The following EYS variants were observed in gnomAD, a reference collection of about 807,000 sequenced individuals.
The protein encoded by EYS is protein eyes shut homolog.
A neutral mutation model predicts 282.1 loss-of-function variants in EYS; 250 were observed. That is an observed-to-expected ratio of 0.89 (90% confidence interval 0.80 to 0.98). The LOEUF (loss-of-function observed/expected upper bound fraction) is 0.98, where lower values mean the gene tolerates loss of function less well. Among genes scored for constraint, EYS ranks in the 50% least tolerant of loss-of-function variants. The probability of loss-of-function intolerance (pLI) is 0.00; values close to 1 mark genes in which losing one functional copy is unlikely to be tolerated. For missense variants in EYS, 4,016 were observed against 3,709.0 expected (o/e 1.08, Z -2.15); for synonymous variants, 1,355 against 1,282.9 (o/e 1.06, Z -1.20).
chr6:65,211,040 GGTAATTT>G (rs1766164209), intron 12 of EYS, among the ~76,000 whole-genome samples: 1 of 151,716 alleles, frequency 6.6e-6, no homozygotes, highest in Non-Finnish European at 1.5e-5. Flanking sequence ...ACTATTCCTA[GGTAATTT>G]TAAGAGGAAA....
chr6:63,825,956 C>G (rs1342305671), intron 36 of EYS, among the ~76,000 whole-genome samples: 2 of 151,988 alleles, frequency 1.3e-5, no homozygotes, highest in African/African-American at 4.8e-5. Flanking sequence ...AGGGAAGGAA[C>G]AGAGAAAGGC....
At chr6:65,509,074 TA>T (rs1234425391) in intron 2 of EYS, among the ~76,000 whole-genome samples, 1 of 152,090 alleles carries the variant, frequency 6.6e-6, no homozygotes, top group Non-Finnish European at 1.5e-5. Flanking sequence ...ACCCAATGAG[TA>T]AACTGGAGAT....
intron 4 of EYS, chr6:65,491,694 G>T: frequency 3.2e-6 from 1 of 313,618 alleles, no homozygotes. Context: ...ATGCCAATAG[G>T]CCACACCCTA....
At chr6:65,122,255 G>A (rs1425640139) in intron 12 of EYS, among the ~76,000 whole-genome samples, 1 of 152,070 alleles carries the variant, frequency 6.6e-6, no homozygotes, top group Non-Finnish European at 1.5e-5. Context: ...ATGTAGTCCA[G>A]AATAACTTGG....
intron 22 of EYS, among the ~76,000 whole-genome samples, chr6:64,687,586 G>C (rs1038038784): frequency 6.6e-6 from 1 of 152,168 alleles, no homozygotes; most frequent in African/African-American, 2.4e-5. Context: ...GATTATGGTG[G>C]ATAAACTTTT....
chr6:65,401,026 C>T (rs1472981299), intron 7 of EYS, among the ~76,000 whole-genome samples: 2 of 151,860 alleles, frequency 1.3e-5, no homozygotes, highest in East Asian at 1.9e-4. Flanking sequence ...CAATCCTCAT[C>T]CCAGATCTAT....
At position 65,300,019 on chromosome 6, in the gene EYS, G is replaced by T. The variant is rs188147410; in HGVS notation, c.1767-3900C>A. Reference sequence around the variant, plus strand: ...AGTGATATCATTTGTAGCTGAAAGAGGTCATATGCATTTACTTTTACAGAA... The same window carrying T: ...AGTGATATCATTTGTAGCTGAAAGATGTCATATGCATTTACTTTTACAGAA... On this transcript the variant is annotated intron_variant, in intron 11 of 42. Coordinates refer to ENST00000503581, the MANE Select transcript of EYS (RefSeq NM_001142800.2). Among the ~76,000 whole-genome samples the T allele has an allele frequency of 9.1e-4, 139 of 152,176 alleles. 1 individual carries two copies. Among genetic ancestry groups the T allele is most frequent in the African/African-American group, 3.2e-3 (133 of 41,534 alleles).
intron 12 of EYS, among the ~76,000 whole-genome samples, chr6:65,233,101 C>T (rs1766827551): frequency 6.6e-6 from 1 of 152,020 alleles, no homozygotes; most frequent in Non-Finnish European, 1.5e-5. Context: ...ATCTTAGTGT[C>T]CTTTAATTCT....
intron 5 of EYS, among the ~76,000 whole-genome samples, chr6:65,433,739 A>G (rs1415099629): frequency 6.6e-6 from 1 of 152,206 alleles, no homozygotes; most frequent in Admixed American, 6.5e-5. Flanking sequence ...ACTAGAATGA[A>G]CCAAGTAATG....
intron 35 of EYS, among the ~76,000 whole-genome samples, chr6:63,982,081 T>C (rs1206271717): frequency 6.6e-6 from 1 of 151,826 alleles, no homozygotes; most frequent in Non-Finnish European, 1.5e-5. Context: ...AGATAAGAGG[T>C]TTACTTTATT....
chr6:65,550,154 T>TATCTCC (rs1562254272), intron 2 of EYS, among the ~76,000 whole-genome samples: 1 of 8,604 alleles, frequency 1.2e-4, no homozygotes, highest in East Asian at 8.9e-3. Flanking sequence ...TTTTTTTTTT[T>TATCTCC]TTTTTTTTTT....
At chr6:65,049,657 C>T (rs1356050240) in intron 13 of EYS, among the ~76,000 whole-genome samples, 3 of 151,714 alleles carry the variant, frequency 2.0e-5, no homozygotes, top group Non-Finnish European at 4.4e-5. Flanking sequence ...TTTTTCAAAG[C>T]TTTCAGACCA....
intron 12 of EYS, among the ~76,000 whole-genome samples, chr6:65,282,102 T>C (rs1768239112): frequency 6.6e-6 from 1 of 151,682 alleles, no homozygotes; most frequent in African/African-American, 2.4e-5. Context: ...GGGGTGATGA[T>C]TAATGAATAC....
intron 12 of EYS, among the ~76,000 whole-genome samples, chr6:65,253,303 ATTC>A (rs1767374475): frequency 6.6e-6 from 1 of 151,916 alleles, no homozygotes; most frequent in Non-Finnish European, 1.5e-5. Flanking sequence ...TAATTTTCTT[ATTC>A]TTCTTCATTA....
chr6:65,270,148 C>T (rs1767859729), intron 12 of EYS, among the ~76,000 whole-genome samples: 1 of 152,098 alleles, frequency 6.6e-6, no homozygotes, highest in Non-Finnish European at 1.5e-5. Flanking sequence ...TTGTGTGCAT[C>T]CAAGCTACAA....
chr6:63,927,220 A>G (rs1360765113), intron 35 of EYS, among the ~76,000 whole-genome samples: 1 of 152,206 alleles, frequency 6.6e-6, no homozygotes, highest in East Asian at 1.9e-4. Flanking sequence ...TTAGGAATAA[A>G]CGAGATTATC....
chr6:64,353,872 A>G (rs929688456), intron 29 of EYS, among the ~76,000 whole-genome samples: 6 of 151,618 alleles, frequency 4.0e-5, no homozygotes, highest in Non-Finnish European at 4.4e-5. Context: ...TAGATTTTCC[A>G]GCCTGATGAG....
chr6:64,125,383 C>T (rs1207565584), intron 31 of EYS, among the ~76,000 whole-genome samples: 1 of 151,456 alleles, frequency 6.6e-6, no homozygotes, highest in African/African-American at 2.4e-5. Context: ...GAATTATGCC[C>T]CGTTGTAAAA....
intron 11 of EYS, among the ~76,000 whole-genome samples, chr6:65,333,559 A>G (rs1769872746): frequency 6.6e-6 from 1 of 151,610 alleles, no homozygotes; most frequent in Admixed American, 6.6e-5. Context: ...TAGATGATTT[A>G]TAGTGTTGTT....
Sources: gnomAD v4.1 joint callset for allele counts (sites outside exome capture counted in the v4.1 genomes callset) on GRCh38, gnomAD v4.1.1 for gene constraint, MANE v1.5 for transcripts, NCBI Gene and HGNC (gene_info 2026-07-23, HGNC 2026-07-21) for gene names.